The following CLIC5 variants were observed in gnomAD, a reference collection of about 807,000 sequenced individuals.
CLIC5 encodes CLIC family member 5.
In CLIC5, 20 loss-of-function variants were observed where a neutral mutation model predicts 24.7. The observed-to-expected ratio is 0.81, with a 90% CI of 0.57 to 1.18. The LOEUF (loss-of-function observed/expected upper bound fraction) is 1.18. Ranked by LOEUF, CLIC5 falls within the 50% of genes most tolerant of loss-of-function variation. The pLI is 0.00. For missense variants in CLIC5, 341 were observed against 326.1 expected (o/e 1.05, Z -0.35); for synonymous variants, 159 against 135.6 (o/e 1.17, Z -1.20).
chr6:45,954,997 G>C, intron 2 of CLIC5, 138 bp downstream of exon 2: 1 of 583,322 alleles, frequency 1.7e-6, no homozygotes, highest in Non-Finnish European at 3.0e-6. Context: ...AGCTAAGACT[G>C]GATCCTGAGA....
the CLIC5 span, among the ~76,000 whole-genome samples, chr6:46,127,511 A>T: frequency 3.3e-5 from 5 of 152,346 alleles, no homozygotes; most frequent in African/African-American, 1.2e-4. Flanking sequence ...GAACATTATA[A>T]ATGAATATTA....
rs531053027 is a variant in CLIC5, at chr6:45,995,059, T to A, written c.63+20421A>T. Among the ~76,000 whole-genome samples the A allele has an allele frequency of 1.1e-3, 164 of 152,058 alleles. 3 individuals are homozygous for A. Among genetic ancestry groups the A allele is most frequent in the African/African-American group, 2.6e-3 (108 of 41,496 alleles). ...GAATTAAAGAAAGAAATGTTTTTTT[T>A]AAAAAAAACCTCAAGGTGGCCAGGA... On this transcript the variant is annotated intron_variant, in intron 1 of 5. Transcript: ENST00000339561.
At chr6:45,976,466 A>G (rs1765387690) in intron 1 of CLIC5, among the ~76,000 whole-genome samples, 1 of 152,066 alleles carries the variant, frequency 6.6e-6, no homozygotes, top group Admixed American at 6.6e-5. Context: ...TGAGTTGGTC[A>G]CTCTATGTAC....
In CLIC5 at chr6:45,922,450, T is replaced by G. The variant is rs1028727460; in HGVS notation, c.407-8041A>C. Among the ~76,000 whole-genome samples, 120 of 152,318 alleles carry G rather than the reference T, an allele frequency of 7.9e-4. 1 individual carries two copies. Among genetic ancestry groups the G allele is most frequent in the Non-Finnish European group, 3.1e-4 (21 of 68,032 alleles). On this transcript the variant is annotated intron_variant, in intron 4 of 5. Transcript: ENST00000339561. ...TTCTTATAAAGAAGCATCTTTTTATTTAATACAGCTCCACAAATCACCCTT... is the reference window on the plus strand; with the variant it reads ...TTCTTATAAAGAAGCATCTTTTTATGTAATACAGCTCCACAAATCACCCTT...
chr6:46,011,959 G>T (rs1298687687), intron 1 of CLIC5, among the ~76,000 whole-genome samples: 1 of 152,142 alleles, frequency 6.6e-6, no homozygotes, highest in African/African-American at 2.4e-5. Context: ...AGTCTGCCAT[G>T]GGACTCATAA....
At chr6:45,955,515 TA>T (rs892774164) in intron 1 of CLIC5, among the ~76,000 whole-genome samples, 1 of 152,030 alleles carries the variant, frequency 6.6e-6, no homozygotes, top group Non-Finnish European at 1.5e-5. Flanking sequence ...ACCCTTGGGG[TA>T]AAAATAGACC....
chr6:46,091,990 C>T, the CLIC5 span, among the ~76,000 whole-genome samples: 1 of 152,120 alleles, frequency 6.6e-6, no homozygotes, highest in Admixed American at 6.5e-5. Flanking sequence ...GGCAAGCGTC[C>T]CCTTTTCTCC....
the CLIC5 span, among the ~76,000 whole-genome samples, chr6:46,122,084 T>C: frequency 3.9e-5 from 6 of 152,324 alleles, no homozygotes; most frequent in Admixed American, 6.5e-5. Context: ...GCAGGCCTAA[T>C]AGACATCTAC....
chr6:46,058,200 A>C (rs143183143), intron 1 of CLIC5, among the ~76,000 whole-genome samples: 1 of 152,346 alleles, frequency 6.6e-6, no homozygotes, highest in East Asian at 1.9e-4. Flanking sequence ...TATAGCAGAC[A>C]TGAATTTTAA....
chr6:46,026,781 C>T (rs138661279), intron 1 of CLIC5, among the ~76,000 whole-genome samples: 36 of 152,122 alleles, frequency 2.4e-4, no homozygotes, highest in Middle Eastern at 3.4e-3. Context: ...GTGGGGTGCT[C>T]CCACCCCTCA....
chr6:46,022,883 G>T (rs1767223214), intron 1 of CLIC5, among the ~76,000 whole-genome samples: 1 of 152,160 alleles, frequency 6.6e-6, no homozygotes, highest in African/African-American at 2.4e-5. Context: ...AGCAGTCTTA[G>T]TTCCTGTATT....
intron 1 of CLIC5, among the ~76,000 whole-genome samples, chr6:46,069,817 T>C (rs577827748): frequency 6.6e-6 from 1 of 152,018 alleles, no homozygotes; most frequent in Non-Finnish European, 1.5e-5. Context: ...AATGCAAAAA[T>C]CTTCCACAAA....
intron 1 of CLIC5, among the ~76,000 whole-genome samples, chr6:46,031,946 A>G (rs1169663639): frequency 6.6e-6 from 1 of 150,384 alleles, no homozygotes; most frequent in African/African-American, 2.4e-5. Context: ...ATATACACAC[A>G]CACACACACA....
the CLIC5 span, among the ~76,000 whole-genome samples, chr6:46,094,988 G>T: frequency 1.2e-4 from 18 of 152,274 alleles, no homozygotes; most frequent in Non-Finnish European, 1.5e-5. Context: ...TTTGCACTCT[G>T]TGCACCCACA....
intron 4 of CLIC5, among the ~76,000 whole-genome samples, chr6:45,933,918 G>A (rs1362202464): frequency 6.6e-6 from 1 of 152,214 alleles, no homozygotes. Flanking sequence ...GGGGGAAGAT[G>A]GAGAGGAGTC....
At chr6:45,949,144 G>A in intron 3 of CLIC5, 112 bp downstream of exon 3, 1 of 1,381,908 alleles carries the variant, frequency 7.2e-7, no homozygotes, top group Non-Finnish European at 9.8e-7. Context: ...CCTGTTCTCT[G>A]GACTGGTGAG....
At chr6:45,990,607 A>T (rs1431476908) in intron 1 of CLIC5, among the ~76,000 whole-genome samples, 1 of 152,220 alleles carries the variant, frequency 6.6e-6, no homozygotes, top group Non-Finnish European at 1.5e-5. Flanking sequence ...TTTCTTCTGA[A>T]AACCCCTGTT....
intron 1 of CLIC5, among the ~76,000 whole-genome samples, chr6:45,998,780 C>T (rs1020201993): frequency 6.6e-6 from 1 of 152,178 alleles, no homozygotes; most frequent in Admixed American, 6.5e-5. Flanking sequence ...CAGCTCCAGG[C>T]ATCATGCCAC....
rs12661892 is a variant in CLIC5 at position 46,058,816 on chromosome 6, A to C, written c.540+20887T>G. Among the ~76,000 whole-genome samples the C allele has an allele frequency of 3.5e-4, 53 of 151,452 alleles. No individual in the cohort carries two copies. The East Asian group carries it at 5.6e-3, about 16-fold the overall frequency. On this transcript the variant is annotated intron_variant, in intron 1 of 5. Transcript: ENST00000185206. ...GAGTCTAGGTGTTCCAGATTCCACA[A>C]AAAAAAAGGTATAATGTGCGATAAC... is the stretch of plus-strand genomic sequence containing the variant.
Sources: gnomAD v4.1 joint callset for allele counts (sites outside exome capture counted in the v4.1 genomes callset) on GRCh38, gnomAD v4.1.1 for gene constraint, MANE v1.5 for transcripts, NCBI Gene and HGNC (gene_info 2026-07-23, HGNC 2026-07-21) for gene names.